ARHGAP24: variants seen among roughly 807,000 people sequenced by gnomAD.
ARHGAP24 encodes the protein Rho GTPase activating protein 24, also known as rho GTPase-activating protein 24.
ARHGAP24 carries 50 observed loss-of-function variants against 76.4 expected under a neutral mutation model. The ratio of observed to expected loss-of-function variants is 0.65; its 90% confidence interval spans 0.52 to 0.83. The LOEUF (loss-of-function observed/expected upper bound fraction) is 0.83. Ranked by LOEUF, ARHGAP24 falls within the 40% of genes least tolerant of loss-of-function variation. The pLI is 0.00. For synonymous variants in ARHGAP24, 345 were observed against 323.3 expected (o/e 1.07, Z -0.72); for missense variants, 930 against 914.2 (o/e 1.02, Z -0.22).
At chr4:85,786,150 T>C (rs1727832107) in intron 3 of ARHGAP24, among the ~76,000 whole-genome samples, 1 of 151,970 alleles carries the variant, frequency 6.6e-6, no homozygotes, top group African/African-American at 2.4e-5. Context: ...CACATATTTC[T>C]CTAATGACCA....
chr4:85,866,638 G>A (rs554160020), intron 3 of ARHGAP24, among the ~76,000 whole-genome samples: 1 of 152,194 alleles, frequency 6.6e-6, no homozygotes, highest in South Asian at 2.1e-4. Flanking sequence ...GAGCTGTTCT[G>A]TTCACCTCTC....
intron 3 of ARHGAP24, among the ~76,000 whole-genome samples, chr4:85,726,125 G>A (rs1403120647): frequency 3.9e-5 from 6 of 152,090 alleles, no homozygotes; most frequent in Admixed American, 3.9e-4. Flanking sequence ...AGGGCCATTT[G>A]GGTTCTCAGA....
At chr4:85,697,720 A>G (rs757268755) in intron 2 of ARHGAP24, among the ~76,000 whole-genome samples, 5 of 152,230 alleles carry the variant, frequency 3.3e-5, no homozygotes, top group Admixed American at 6.5e-5. Flanking sequence ...TTTAGGAATC[A>G]GAACACACTT....
chr4:85,540,231 A>G (rs1725623517), intron 1 of ARHGAP24, among the ~76,000 whole-genome samples: 1 of 152,076 alleles, frequency 6.6e-6, no homozygotes, highest in African/African-American at 2.4e-5. Context: ...TTGAAATATC[A>G]TATCAATATT....
intron 2 of ARHGAP24, among the ~76,000 whole-genome samples, chr4:85,665,582 G>T (rs543655779): frequency 6.6e-6 from 1 of 152,098 alleles, no homozygotes; most frequent in Non-Finnish European, 1.5e-5. Context: ...TATTTTGCTC[G>T]TTAGTTGATG....
chr4:85,572,701 A>T (rs1727185720), intron 2 of ARHGAP24, among the ~76,000 whole-genome samples: 1 of 152,036 alleles, frequency 6.6e-6, no homozygotes, highest in African/African-American at 2.4e-5. Context: ...ACTAAAATTA[A>T]CAAAATAGAC....
At chr4:85,617,551 G>T (rs1720581794) in intron 2 of ARHGAP24, among the ~76,000 whole-genome samples, 1 of 151,902 alleles carries the variant, frequency 6.6e-6, no homozygotes, top group African/African-American at 2.4e-5. Context: ...TATTGATATA[G>T]ACATACAGTT....
chr4:85,704,815 G>A (rs916711818), intron 2 of ARHGAP24, among the ~76,000 whole-genome samples: 2 of 151,918 alleles, frequency 1.3e-5, no homozygotes, highest in African/African-American at 4.8e-5. Flanking sequence ...GCATATAGTA[G>A]GGCTTATTAA....
intron 2 of ARHGAP24, among the ~76,000 whole-genome samples, chr4:85,630,133 T>C (rs1721110571): frequency 6.6e-6 from 1 of 152,162 alleles, no homozygotes; most frequent in African/African-American, 2.4e-5. Context: ...TGCGGTTGAA[T>C]CTTTTTATAG....
chr4:85,837,851 A>AT (rs1340541637), intron 3 of ARHGAP24, among the ~76,000 whole-genome samples: 4 of 152,064 alleles, frequency 2.6e-5, no homozygotes, highest in Non-Finnish European at 4.4e-5. Flanking sequence ...GAATTTTAAC[A>AT]TTTTTATCAT....
At chr4:85,740,992 A>C (rs1725801167) in intron 3 of ARHGAP24, among the ~76,000 whole-genome samples, 1 of 152,230 alleles carries the variant, frequency 6.6e-6, no homozygotes, top group Admixed American at 6.5e-5. Context: ...TTAATTTAAC[A>C]ATGCTATAAT....
intron 3 of ARHGAP24, among the ~76,000 whole-genome samples, chr4:85,839,664 T>G (rs1384859268): frequency 6.6e-6 from 1 of 151,886 alleles, no homozygotes; most frequent in Non-Finnish European, 1.5e-5. Flanking sequence ...TTGGCCAGGA[T>G]GGTCTCCATC....
chr4:85,838,907 C>G (rs1221373402), intron 3 of ARHGAP24, among the ~76,000 whole-genome samples: 1 of 152,226 alleles, frequency 6.6e-6, no homozygotes, highest in East Asian at 1.9e-4. Flanking sequence ...CTTCCTCCAG[C>G]TGCGCTGAGC....
intron 1 of ARHGAP24, among the ~76,000 whole-genome samples, chr4:85,541,661 A>G (rs1039076608): frequency 2.0e-5 from 3 of 152,140 alleles, no homozygotes; most frequent in Admixed American, 2.0e-4. Context: ...TATTCATTCA[A>G]TTCTTGATAG....
At chr4:85,946,088 C>T (rs2043647) in intron 5 of ARHGAP24, among the ~76,000 whole-genome samples, 99,271 of 151,882 alleles carry the variant, frequency 0.65, 33,686 homozygotes, top group African/African-American at 0.83. Context: ...AAAACTCTTG[C>T]TTTTAAAACC....
At chr4:85,948,638 T>C (rs957613496) in intron 5 of ARHGAP24, among the ~76,000 whole-genome samples, 2 of 152,226 alleles carry the variant, frequency 1.3e-5, no homozygotes, top group African/African-American at 2.4e-5. Flanking sequence ...TTATTATCTC[T>C]TTTATAAAAT....
chr4:85,544,689 TAC>T (rs1725835369), intron 1 of ARHGAP24, among the ~76,000 whole-genome samples: 1 of 151,956 alleles, frequency 6.6e-6, no homozygotes, highest in African/African-American at 2.4e-5. Context: ...TATATATATA[TAC>T]ACACATACAT....
chr4:85,567,807 A>T (rs1372138928), intron 1 of ARHGAP24, among the ~76,000 whole-genome samples: 1 of 152,212 alleles, frequency 6.6e-6, no homozygotes, highest in East Asian at 1.9e-4. Flanking sequence ...AAATATTAAG[A>T]CTTCTCTATA....
At chr4:85,985,611 TATA>T (rs1171971547) in intron 8 of ARHGAP24, among the ~76,000 whole-genome samples, 1 of 152,152 alleles carries the variant, frequency 6.6e-6, no homozygotes, top group Non-Finnish European at 1.5e-5. Context: ...AACGTGCAGT[TATA>T]CCCCTGAATT....
Sources: allele counts gnomAD v4.1 joint callset (sites outside exome capture counted in the v4.1 genomes callset), GRCh38; gene constraint gnomAD v4.1.1; transcripts MANE v1.5; gene names NCBI Gene and HGNC (gene_info 2026-07-23, HGNC 2026-07-21).